The following RAB31 variants were observed in gnomAD, a reference collection of about 807,000 sequenced individuals.
The protein encoded by RAB31 is RAB31, member RAS oncogene family, also known as ras-related protein Rab-31.
In RAB31, 21 loss-of-function variants were observed where a neutral mutation model predicts 25.6. The ratio of observed to expected loss-of-function variants is 0.82; its 90% CI spans 0.58 to 1.18. The LOEUF (loss-of-function observed/expected upper bound fraction) is 1.18, where lower values mean the gene tolerates loss of function less well. RAB31 is among the 50% of genes most tolerant of loss of function. The pLI is 0.00. For synonymous variants in RAB31, 87 were observed against 84.0 expected (o/e 1.04, Z -0.20); for missense variants, 196 against 250.1 (o/e 0.78, Z 1.46).
At chr18:9,759,673 G>A (rs755321027) in intron 1 of RAB31, among the ~76,000 whole-genome samples, 6 of 152,220 alleles carry the variant, frequency 3.9e-5, no homozygotes, top group African/African-American at 4.8e-5. Flanking sequence ...TATGCTTGCC[G>A]GAGGTCAAGA....
chr18:9,820,743 T>G (rs2068620926), intron 5 of RAB31, among the ~76,000 whole-genome samples: 1 of 152,086 alleles, frequency 6.6e-6, no homozygotes, highest in South Asian at 2.1e-4. Flanking sequence ...AGTAGTGATG[T>G]CTCATTTTCC....
At chr18:9,759,215 G>A (rs982274426) in intron 1 of RAB31, among the ~76,000 whole-genome samples, 3 of 152,014 alleles carry the variant, frequency 2.0e-5, no homozygotes, top group Non-Finnish European at 4.4e-5. Context: ...TTTGAGACAA[G>A]GTCTTGCTCT....
chr18:9,712,501 T>C (rs544617415), intron 1 of RAB31, among the ~76,000 whole-genome samples: 1 of 152,332 alleles, frequency 6.6e-6, no homozygotes, highest in East Asian at 1.9e-4. Flanking sequence ...TTATGAAACA[T>C]GAAGCTTAAA....
At chr18:9,854,456 C>T (rs2068805550) in intron 6 of RAB31, among the ~76,000 whole-genome samples, 1 of 152,094 alleles carries the variant, frequency 6.6e-6, no homozygotes, top group Non-Finnish European at 1.5e-5. Context: ...GCAGTTGTCA[C>T]CTCCTGCCAA....
chr18:9,771,677 C>T (rs981935879), intron 1 of RAB31, among the ~76,000 whole-genome samples: 1 of 152,226 alleles, frequency 6.6e-6, no homozygotes, highest in African/African-American at 2.4e-5. Context: ...CCCTGGTGGC[C>T]AGCCGAGGAA....
At chr18:9,720,287 G>T (rs1464530746) in intron 1 of RAB31, among the ~76,000 whole-genome samples, 1 of 152,148 alleles carries the variant, frequency 6.6e-6, no homozygotes, top group Non-Finnish European at 1.5e-5. Context: ...TATCAAAGTT[G>T]TATTACATGG....
At chr18:9,749,087 AT>A (rs2068220861) in intron 1 of RAB31, among the ~76,000 whole-genome samples, 1 of 152,248 alleles carries the variant, frequency 6.6e-6, no homozygotes, top group South Asian at 2.1e-4. Context: ...AATTAAAAAA[AT>A]AGAGGCATCA....
At chr18:9,760,868 A>T (rs2068284884) in intron 1 of RAB31, among the ~76,000 whole-genome samples, 1 of 152,088 alleles carries the variant, frequency 6.6e-6, no homozygotes, top group Non-Finnish European at 1.5e-5. Context: ...TGAAGGAGAG[A>T]TTTTCTACTG....
intron 1 of RAB31, among the ~76,000 whole-genome samples, chr18:9,740,440 G>A (rs992996477): frequency 6.6e-6 from 1 of 152,180 alleles, no homozygotes; most frequent in African/African-American, 2.4e-5. Context: ...TTGGCTGGAC[G>A]TGGTGGCTCT....
intron 3 of RAB31, 82 bp from the exon 4 acceptor site, chr18:9,813,938 T>C (rs984473584): frequency 2.5e-5 from 23 of 906,682 alleles, no homozygotes; most frequent in Non-Finnish European, 3.9e-5. Flanking sequence ...AAGGATGATG[T>C]AGGATAAAAC....
At chr18:9,806,508 T>A (rs547291133) in intron 3 of RAB31, among the ~76,000 whole-genome samples, 1 of 151,164 alleles carries the variant, frequency 6.6e-6, no homozygotes, top group South Asian at 2.1e-4. Flanking sequence ...CCTGCCTCTG[T>A]GTTTAGGGAG....
Position 9,860,708 on chromosome 18 carries a change from T to G in RAB31, c.*1383T>G, listed in dbSNP as rs2068842836. 6.6e-6 allele frequency: 1 copy of G among 152,250 alleles called. No individual in the cohort carries two copies. Among genetic ancestry groups the G allele is most frequent in the Non-Finnish European group, 1.5e-5 (1 of 68,044 alleles). 9.4% of individuals were successfully genotyped at this position (152,250 alleles called of 1,614,324 possible). On this transcript the variant is annotated 3_prime_UTR_variant, in exon 7 of 7. Transcript: ENST00000578921. ...CTCAGAAATGGTTAATCATGCTGTG[T>G]GCTAGCCAGGGCCAGCTGGTACCTT...
chr18:9,761,346 C>A (rs1358101170), intron 1 of RAB31, among the ~76,000 whole-genome samples: 1 of 152,164 alleles, frequency 6.6e-6, no homozygotes, highest in East Asian at 1.9e-4. Context: ...ATGAGGATAA[C>A]CCTACTTCAT....
At chr18:9,791,871 C>G (rs987502690) in intron 2 of RAB31, among the ~76,000 whole-genome samples, 3 of 152,078 alleles carry the variant, frequency 2.0e-5, no homozygotes, top group Non-Finnish European at 2.9e-5. Context: ...CCCAAAGTGC[C>G]GGGATTACGG....
chr18:9,758,879 G>A (rs1395746892), intron 1 of RAB31, among the ~76,000 whole-genome samples: 4 of 152,170 alleles, frequency 2.6e-5, no homozygotes, highest in African/African-American at 7.2e-5. Context: ...TGCTCTGAAA[G>A]TGCAGCACAG....
rs115923966 is a variant in RAB31, at chr18:9,740,041, G to T, written c.39+31597G>T. Among the ~76,000 whole-genome samples the T allele has an allele frequency of 9.6e-3, 1,456 of 152,284 alleles. 24 individuals are homozygous for T. The highest frequency in any genetic ancestry group is 0.032 in the African/African-American group (1,344 of 41,540). On this transcript the variant is annotated intron_variant, in intron 1 of 6. Coordinates refer to ENST00000578921, the MANE Select transcript of RAB31 (RefSeq NM_006868.4). Reference sequence around the variant, plus strand: ...GCTGATTCTGACCTCAGACCCTGGGGTGACGAGAGGAGCTCTATGATTCTA... The same window carrying T: ...GCTGATTCTGACCTCAGACCCTGGGTTGACGAGAGGAGCTCTATGATTCTA...
chr18:9,740,395 T>A (rs115371966), intron 1 of RAB31, among the ~76,000 whole-genome samples: 2 of 152,220 alleles, frequency 1.3e-5, no homozygotes, highest in East Asian at 3.8e-4. Context: ...AGTAAAGTTA[T>A]TTATACTTCT....
intron 6 of RAB31, among the ~76,000 whole-genome samples, chr18:9,854,538 C>T (rs2068805918): frequency 6.6e-6 from 1 of 152,198 alleles, no homozygotes; most frequent in African/African-American, 2.4e-5. Flanking sequence ...TCACCTAACC[C>T]CTGACCTGGG....
intron 6 of RAB31, 138 bp from the exon 7 acceptor site, chr18:9,859,090 A>G (rs2068833837): frequency 4.5e-6 from 3 of 660,404 alleles, no homozygotes; most frequent in Admixed American, 2.9e-5. Context: ...AAAGGAAGGA[A>G]GGAGAAAGGA....
Sources: allele counts gnomAD v4.1 joint callset (sites outside exome capture counted in the v4.1 genomes callset), GRCh38; gene constraint gnomAD v4.1.1; transcripts MANE v1.5; gene names NCBI Gene and HGNC (gene_info 2026-07-23, HGNC 2026-07-21).